The following SNX13 variants were observed in gnomAD, a reference collection of about 807,000 sequenced individuals.
SNX13 encodes sorting nexin 13.
In SNX13, 45 loss-of-function variants were observed where a neutral mutation model predicts 133.6. The observed-to-expected ratio is 0.34, with a 90% CI of 0.27 to 0.43. The LOEUF is 0.43. Among genes scored for constraint, SNX13 ranks in the 20% least tolerant of loss-of-function variants. SNX13 has a pLI of 1.00. For synonymous variants in SNX13, 414 were observed against 373.9 expected, an observed-to-expected ratio of 1.11 and a Z score of -1.24; for missense variants, 1,032 against 1,145.1, an observed-to-expected ratio of 0.90 and a Z score of 1.43.
At position 17,801,009 on chromosome 7, in the gene SNX13, C is replaced by CTTTTATAT. The variant is rs1289471310; in HGVS notation, c.2298+578_2298+579insATATAAAA. ...CTTGGCAGTATCTACTAAAACTGAA[C>CTTTTATAT]ATATATATATATATATATATATATA... On this transcript the variant is annotated intron_variant, in intron 22 of 25. Transcript: ENST00000428135. Among the ~76,000 whole-genome samples the CTTTTATAT allele has an allele frequency of 9.1e-5, 11 of 120,222 alleles. 2 individuals carry two copies. Among genetic ancestry groups the CTTTTATAT allele is most frequent in the African/African-American group, 3.1e-4 (11 of 35,310 alleles). 78.9% of individuals were successfully genotyped at this position (120,222 alleles called of 152,430 possible). A position where few individuals can be genotyped will look rare whatever the true frequency, so the allele number is the denominator to read the frequency against.
At chr7:17,874,077 G>A (rs146661303) in intron 7 of SNX13, among the ~76,000 whole-genome samples, 1 of 152,218 alleles carries the variant, frequency 6.6e-6, no homozygotes, top group Non-Finnish European at 1.5e-5. Context: ...TGATTTAAGA[G>A]AGCTCAACTT....
intron 1 of SNX13, among the ~76,000 whole-genome samples, chr7:17,923,884 C>A (rs1034060727): frequency 2.6e-5 from 4 of 152,186 alleles, no homozygotes; most frequent in African/African-American, 7.2e-5. Context: ...CAAGCCCCCA[C>A]TGCCCTCAAA....
intron 17 of SNX13, 27 bp from the exon 18 acceptor site, chr7:17,821,675 G>A: frequency 6.3e-7 from 1 of 1,578,482 alleles, no homozygotes; most frequent in Non-Finnish European, 8.6e-7. Flanking sequence ...GTCATAGTCA[G>A]CATATACTAA....
At position 17,790,879 on chromosome 7, in the gene SNX13, A is replaced by C. The variant is rs955627158; in HGVS notation, c.*3166T>G. On this transcript the variant is annotated 3_prime_UTR_variant, in exon 26 of 26. Coordinates refer to ENST00000428135, the MANE Select transcript of SNX13 (RefSeq NM_015132.5). ...TCTGATTGTTGTTTCTTCTTTGTTA[A>C]AGAAAGAAAGTATTGATAGAACAGT... 3 of 152,066 alleles carry C rather than the reference A, an allele frequency of 2.0e-5. No individual in the cohort carries two copies. Among genetic ancestry groups the C allele is most frequent in the Non-Finnish European group, 4.4e-5 (3 of 67,904 alleles). The allele number at this position is 152,066 out of a possible 1,614,324, so 9.4% of individuals were successfully genotyped here. A position where few individuals can be genotyped will look rare whatever the true frequency, so the allele number is the denominator to read the frequency against.
chr7:17,861,833 G>A (rs1034077546), intron 9 of SNX13, among the ~76,000 whole-genome samples: 34 of 152,132 alleles, frequency 2.2e-4, no homozygotes, highest in African/African-American at 8.2e-4. Context: ...CTTGACCTCC[G>A]AAGTGCCCAC....
chr7:17,896,076 T>A (rs1797172112), intron 2 of SNX13, among the ~76,000 whole-genome samples: 1 of 152,188 alleles, frequency 6.6e-6, no homozygotes, highest in Non-Finnish European at 1.5e-5. Flanking sequence ...CATGTCACTA[T>A]TCAGCCATGC....
At chr7:17,888,572 T>G (rs889720312) in intron 5 of SNX13, 2 of 407,538 alleles carry the variant, frequency 4.9e-6, no homozygotes, top group African/African-American at 4.2e-5. Context: ...TTCTGGACCT[T>G]AGCTTCCTCA....
At chr7:17,811,061 A>G (rs1252846063) in intron 20 of SNX13, among the ~76,000 whole-genome samples, 3 of 152,252 alleles carry the variant, frequency 2.0e-5, no homozygotes, top group Non-Finnish European at 4.4e-5. Flanking sequence ...TGAATGGGCA[A>G]AAGCTGGAAG....
chr7:17,893,771 G>A (rs1223173019), intron 2 of SNX13, among the ~76,000 whole-genome samples: 5 of 151,864 alleles, frequency 3.3e-5, no homozygotes, highest in Admixed American at 2.0e-4. Flanking sequence ...TCAGGAGTTC[G>A]AGACCAGCTT....
intron 18 of SNX13, among the ~76,000 whole-genome samples, chr7:17,820,821 TA>T: frequency 6.6e-6 from 1 of 152,110 alleles, no homozygotes; most frequent in East Asian, 1.9e-4. Context: ...TTTTAAGAGT[TA>T]AAATAAGTTA....
intron 13 of SNX13, 89 bp downstream of exon 13, chr7:17,839,718 G>A (rs1421692048): frequency 2.4e-5 from 24 of 1,006,560 alleles, no homozygotes; most frequent in Non-Finnish European, 3.0e-5. Context: ...CAATGTTTTC[G>A]AGGTAGTCAG....
At chr7:17,922,291 G>A (rs1473266137) in intron 1 of SNX13, among the ~76,000 whole-genome samples, 1 of 152,160 alleles carries the variant, frequency 6.6e-6, no homozygotes, top group East Asian at 1.9e-4. Flanking sequence ...TTTAAAGCTA[G>A]TGGGGTCTTA....
intron 17 of SNX13, among the ~76,000 whole-genome samples, chr7:17,825,817 T>C (rs1307093906): frequency 6.6e-6 from 1 of 152,140 alleles, no homozygotes; most frequent in Non-Finnish European, 1.5e-5. Context: ...CATTTTCAAA[T>C]GTTGATAGTG....
At chr7:17,919,155 G>A (rs938583121) in intron 1 of SNX13, among the ~76,000 whole-genome samples, 8 of 152,092 alleles carry the variant, frequency 5.3e-5, no homozygotes, top group African/African-American at 1.9e-4. Context: ...TTCACTATTT[G>A]GCTGATGGAG....
At chr7:17,858,595 T>C (rs2128335330) in intron 9 of SNX13, among the ~76,000 whole-genome samples, 1 of 152,188 alleles carries the variant, frequency 6.6e-6, no homozygotes, top group East Asian at 1.9e-4. Context: ...GTAATCACAG[T>C]TAAAATTCTA....
At chr7:17,862,495 C>CT (rs1792836297) in intron 9 of SNX13, among the ~76,000 whole-genome samples, 2 of 152,122 alleles carry the variant, frequency 1.3e-5, no homozygotes, top group East Asian at 3.9e-4. Context: ...AGTGTATATC[C>CT]TATGAGAATT....
At chr7:17,815,897 T>C (rs935810741) in intron 19 of SNX13, among the ~76,000 whole-genome samples, 1 of 152,112 alleles carries the variant, frequency 6.6e-6, no homozygotes, top group Admixed American at 6.5e-5. Flanking sequence ...AAAATTCAAA[T>C]GTTTGAGCCA....
intron 20 of SNX13, among the ~76,000 whole-genome samples, chr7:17,811,815 C>T (rs909945274): frequency 6.6e-6 from 1 of 152,078 alleles, no homozygotes; most frequent in African/African-American, 2.4e-5. Flanking sequence ...ACCAATGGAA[C>T]AGAACGGAGG....
chr7:17,832,344 T>C (rs1482072475), intron 15 of SNX13: 2 of 984,460 alleles, frequency 2.0e-6, no homozygotes, highest in Non-Finnish European at 2.4e-6. Flanking sequence ...GAAGCATTCT[T>C]AAGTTACAGG....
Sources: gnomAD v4.1 joint callset for allele counts (sites outside exome capture counted in the v4.1 genomes callset) on GRCh38, gnomAD v4.1.1 for gene constraint, MANE v1.5 for transcripts, NCBI Gene and HGNC (gene_info 2026-07-23, HGNC 2026-07-21) for gene names.